The following SETMAR variants were observed in gnomAD, a reference collection of about 807,000 sequenced individuals.
SETMAR encodes the protein SET and mariner transposase domain methyltransferase, also known as histone-lysine N-methyltransferase SETMAR.
In SETMAR, 44 loss-of-function variants were observed where a neutral mutation model predicts 58.4. The ratio of observed to expected loss-of-function variants is 0.75; its 90% CI spans 0.59 to 0.97. The LOEUF is 0.97. SETMAR is among the 50% of genes least tolerant of loss of function. The pLI is 0.00. For missense variants in SETMAR, 903 were observed against 840.2 expected, an observed-to-expected ratio of 1.07 and a Z score of -0.92; for synonymous variants, 332 against 307.4, an observed-to-expected ratio of 1.08 and a Z score of -0.84.
At chr3:4,306,365 T>C (rs947547617) in intron 1 of SETMAR, among the ~76,000 whole-genome samples, 1 of 152,208 alleles carries the variant, frequency 6.6e-6, no homozygotes, top group Admixed American at 6.5e-5. Context: ...TTTCTATTTC[T>C]CAAAGTGTAT....
At chr3:4,307,770 C>T (rs1419839605) in intron 1 of SETMAR, among the ~76,000 whole-genome samples, 1 of 152,178 alleles carries the variant, frequency 6.6e-6, no homozygotes, top group African/African-American at 2.4e-5. Context: ...GGCATGGTGG[C>T]TCACTCCCAT....
intron 1 of SETMAR, 58 bp downstream of exon 1, chr3:4,303,584 C>T (rs1307144650): frequency 7.3e-7 from 1 of 1,378,002 alleles, no homozygotes. Flanking sequence ...ACGTGGTCTC[C>T]TCAAGCCGCC....
intron 2 of SETMAR, among the ~76,000 whole-genome samples, chr3:4,315,484 A>G (rs1424203352): frequency 1.3e-5 from 2 of 152,134 alleles, no homozygotes; most frequent in Non-Finnish European, 2.9e-5. Context: ...GAGACAACTG[A>G]CTGAATATGG....
intron 2 of SETMAR, 184 bp downstream of exon 2, chr3:4,313,945 C>T: frequency 9.5e-7 from 1 of 1,049,894 alleles, no homozygotes; most frequent in Non-Finnish European, 1.3e-6. Context: ...TACATGACTA[C>T]CCAGAATACT....
intron 2 of SETMAR, chr3:4,313,966 G>C (rs1192548900): frequency 4.3e-6 from 4 of 936,324 alleles, no homozygotes; most frequent in Non-Finnish European, 6.2e-6. Flanking sequence ...CACTTTCCTA[G>C]TTAGATTTGT....
chr3:4,314,004 A>G (rs1698534787), intron 2 of SETMAR: 1 of 649,666 alleles, frequency 1.5e-6, no homozygotes, highest in Non-Finnish European at 2.5e-6. Flanking sequence ...TTAATAGGAT[A>G]TAAGCAAAAA....
In SETMAR at chr3:4,312,993, T is replaced by A; in HGVS notation, c.252T>A (p.Pro84=). Residue 84 remains proline (P), a synonymous_variant, in exon 2 of 3, where the codon CCT becomes CCA. Coordinates refer to ENST00000358065, the MANE Select transcript of SETMAR (RefSeq NM_006515.4). ...TTTGTGTCAAAACTCCCTGCCTCCC[T>A]GGCACTTGCTCCTGTCTCCGCCATG... ...GCICVKTPCL[P]GTCSCLRHGE... 1 of 1,614,056 alleles carries A rather than the reference T, an allele frequency of 6.2e-7. No homozygotes were observed. Among genetic ancestry groups the A allele is most frequent in the Non-Finnish European group, 8.5e-7 (1 of 1,179,938 alleles).
At chr3:4,306,754 A>G (rs1698206749) in intron 1 of SETMAR, among the ~76,000 whole-genome samples, 1 of 152,264 alleles carries the variant, frequency 6.6e-6, no homozygotes, top group African/African-American at 2.4e-5. Flanking sequence ...AGGCATATGC[A>G]CACATAAGAA....
At chr3:4,306,687 C>G (rs1462404454) in intron 1 of SETMAR, among the ~76,000 whole-genome samples, 6 of 152,230 alleles carry the variant, frequency 3.9e-5, no homozygotes, top group Admixed American at 2.6e-4. Context: ...TCATGGAACA[C>G]AAAACCAGTC....
At position 4,303,488 on chromosome 3, in the gene SETMAR, G is replaced by A. The variant is rs575057889; in HGVS notation, c.118G>A (p.Gly40Ser). Reference protein sequence around the residue: ...VACGQENLPVGAWPPGAAPAP... With the variant: ...VACGQENLPVSAWPPGAAPAP... ...GTGCGGCCAGGAAAACTTGCCGGTG[G>A]GCGCGTGGCCCCCGGGGGCCGCGCC... Residue 40 changes from glycine (G) to serine (S), a missense_variant, in exon 1 of 3, where the codon GGC becomes AGC. Transcript: ENST00000358065. The A allele has an allele frequency of 4.7e-6, 7 of 1,497,194 alleles. No homozygotes were observed. In the South Asian group the frequency reaches 9.6e-5, roughly 20 times the overall value. 92.7% of individuals were successfully genotyped at this position (1,497,194 alleles called of 1,614,324 possible).
At position 4,316,672 on chromosome 3, in the gene SETMAR, C is replaced by T. The variant is rs955028637; in HGVS notation, c.1481C>T (p.Thr494Met). Residue 494 changes from threonine to methionine, a missense_variant, in exon 3 of 3, where the codon ACG (threonine) becomes ATG (methionine). Coordinates refer to ENST00000358065, the MANE Select transcript of SETMAR (RefSeq NM_006515.4). ...HNEPFLDRIV[T>M]CDEKWILYDN... ...GAACCATTTCTCGATCGGATTGTGA[C>T]GTGTGATGAAAAGTGGATTTTATAT... is the stretch of plus-strand genomic sequence containing the variant. The T allele has an allele frequency of 1.5e-5, 23 of 1,550,954 alleles. No homozygotes were observed. The highest frequency in any genetic ancestry group is 1.6e-5 in the Non-Finnish European group (18 of 1,146,772).
Position 4,317,128 on chromosome 3 carries a change from A to G in SETMAR, c.1937A>G (p.Glu646Gly). The G allele has an allele frequency of 1.3e-6, 2 of 1,546,130 alleles. No individual in the cohort carries two copies. Among genetic ancestry groups the G allele is most frequent in the Non-Finnish European group, 1.7e-6 (2 of 1,143,554 alleles). ...GKRFHNQQDA[E>G]NAFQEFVESQ... ...CGCTTCCACAACCAGCAGGATGCAG[A>G]AAATGCTTTCCAAGAGTTCGTCGAA... The change falls in exon 3 of 3, where the codon GAA becomes GGA. Residue 646 changes from glutamate (E) to glycine (G), a missense_variant. Coordinates refer to ENST00000358065, the MANE Select transcript of SETMAR (RefSeq NM_006515.4).
At chr3:4,310,211 C>T (rs1280743219) in intron 1 of SETMAR, among the ~76,000 whole-genome samples, 5 of 152,100 alleles carry the variant, frequency 3.3e-5, no homozygotes, top group South Asian at 2.1e-4. Flanking sequence ...AGTTTAACCG[C>T]GTGGCATGTA....
intron 1 of SETMAR, chr3:4,304,098 C>T (rs1388544757): frequency 5.4e-6 from 1 of 184,658 alleles, no homozygotes; most frequent in Non-Finnish European, 1.3e-5. Flanking sequence ...GCTGTAAGAA[C>T]TCAGTAAATG....
chr3:4,307,384 C>T (rs1698232640), intron 1 of SETMAR, among the ~76,000 whole-genome samples: 1 of 152,172 alleles, frequency 6.6e-6, no homozygotes, highest in Non-Finnish European at 1.5e-5. Context: ...CATAACCATG[C>T]TTTTCCCTGA....
At chr3:4,307,447 C>A (rs1375198223) in intron 1 of SETMAR, among the ~76,000 whole-genome samples, 1 of 152,084 alleles carries the variant, frequency 6.6e-6, no homozygotes, top group Non-Finnish European at 1.5e-5. Flanking sequence ...AATTAGAGAG[C>A]CCTACAATCT....
In SETMAR at chr3:4,313,451, T is replaced by C. The variant is rs763064545; in HGVS notation, c.710T>C (p.Ile237Thr). The C allele has an allele frequency of 5.6e-6, 9 of 1,614,044 alleles. No homozygotes were observed. The South Asian group carries it at 6.6e-5, about 12-fold the overall frequency. Residue 237 changes from isoleucine (I) to threonine (T), a missense_variant, in exon 2 of 3, where the codon ATT becomes ACT. Transcript: ENST00000358065. ...AACCTTTTGATGATTCCTGTCCGAA[T>C]TGACTCAATGGTACCTAAGTTGGCA... is the stretch of plus-strand genomic sequence containing the variant. ...EPNLLMIPVR[I>T]DSMVPKLALF...
intron 2 of SETMAR, 113 bp from the exon 3 acceptor site, chr3:4,316,099 A>G (rs1698631533): frequency 4.0e-6 from 2 of 495,180 alleles, no homozygotes; most frequent in Non-Finnish European, 7.2e-6. Context: ...GGAATTTGGT[A>G]TTTGATATTG....
intron 1 of SETMAR, among the ~76,000 whole-genome samples, chr3:4,306,800 TTGTGTC>T (rs1442371068): frequency 6.6e-6 from 1 of 152,242 alleles, no homozygotes; most frequent in Non-Finnish European, 1.5e-5. Flanking sequence ...AAAAATAACT[TTGTGTC>T]TGTTTTGCCT....
Sources: allele counts gnomAD v4.1 joint callset (sites outside exome capture counted in the v4.1 genomes callset), GRCh38; gene constraint gnomAD v4.1.1; transcripts MANE v1.5; gene names NCBI Gene and HGNC (gene_info 2026-07-23, HGNC 2026-07-21).